The following RALGPS1 variants were observed in gnomAD, a reference collection of about 807,000 sequenced individuals.
The protein encoded by RALGPS1 is Ral GEF with PH domain and SH3 binding motif 1.
A neutral mutation model predicts 78.8 loss-of-function variants in RALGPS1; 19 were observed. The observed-to-expected ratio is 0.24, with a 90% confidence interval of 0.17 to 0.35. RALGPS1 has a LOEUF of 0.35. Ranked by LOEUF, RALGPS1 falls within the 10% of genes least tolerant of loss-of-function variation. RALGPS1 has a pLI of 1.00. For missense variants in RALGPS1, 454 were observed against 688.3 expected (o/e 0.66, Z 3.81); for synonymous variants, 228 against 256.3 (o/e 0.89, Z 1.06).
At chr9:127,098,707 A>G (rs1311329062) in intron 8 of RALGPS1, among the ~76,000 whole-genome samples, 1 of 152,148 alleles carries the variant, frequency 6.6e-6, no homozygotes, top group South Asian at 2.1e-4. Flanking sequence ...TTAGGCACAC[A>G]AGGACCATGG....
intron 8 of RALGPS1, among the ~76,000 whole-genome samples, chr9:127,123,600 T>C (rs942813858): frequency 1.3e-5 from 2 of 152,180 alleles, no homozygotes; most frequent in African/African-American, 4.8e-5. Context: ...TGACCTCCTA[T>C]TGGGCTCTTC....
intron 8 of RALGPS1, among the ~76,000 whole-genome samples, chr9:127,121,193 C>T (rs879779308): frequency 1.3e-5 from 2 of 152,166 alleles, no homozygotes; most frequent in Admixed American, 1.3e-4. Context: ...AGAGTAAGTG[C>T]AATATAAGTG....
intron 8 of RALGPS1, among the ~76,000 whole-genome samples, chr9:127,150,798 C>T (rs2058373114): frequency 6.6e-6 from 1 of 152,140 alleles, no homozygotes; most frequent in African/African-American, 2.4e-5. Context: ...TGCTTTCTGC[C>T]CCAGGGGTTT....
chr9:127,093,286 C>T (rs2052698975), intron 8 of RALGPS1, among the ~76,000 whole-genome samples: 1 of 152,194 alleles, frequency 6.6e-6, no homozygotes, highest in African/African-American at 2.4e-5. Context: ...AGCATTGCCA[C>T]AACTCCCTAC....
intron 14 of RALGPS1, among the ~76,000 whole-genome samples, chr9:127,203,283 G>T (rs910982946): frequency 6.6e-6 from 1 of 152,200 alleles, no homozygotes; most frequent in Non-Finnish European, 1.5e-5. Context: ...TTTCCACAGT[G>T]TGTAAATGTT....
chr9:126,926,612 G>T (rs2035304443), intron 1 of RALGPS1, among the ~76,000 whole-genome samples: 1 of 152,178 alleles, frequency 6.6e-6, no homozygotes. Flanking sequence ...GTGCCTAGGA[G>T]TGTAGGTGTT....
chr9:126,985,824 C>G (rs1013291109), intron 4 of RALGPS1, among the ~76,000 whole-genome samples: 1 of 152,192 alleles, frequency 6.6e-6, no homozygotes, highest in Non-Finnish European at 1.5e-5. Flanking sequence ...CTGAGATACC[C>G]TGTTGTAATC....
chr9:127,050,181 A>G (rs748280165), intron 6 of RALGPS1, 49 bp downstream of exon 6: 2 of 1,388,320 alleles, frequency 1.4e-6, no homozygotes, highest in East Asian at 4.6e-5. Flanking sequence ...TCTCTCCCAC[A>G]CCTCCTCCCC....
chr9:127,159,728 C>T (rs1797658017), intron 8 of RALGPS1, among the ~76,000 whole-genome samples: 2 of 152,172 alleles, frequency 1.3e-5, no homozygotes, highest in African/African-American at 4.8e-5. Context: ...TTTGTGCTCT[C>T]TTAAAGAGAG....
chr9:127,160,478 C>A (rs777326844), intron 8 of RALGPS1, among the ~76,000 whole-genome samples: 5 of 152,214 alleles, frequency 3.3e-5, no homozygotes, highest in Non-Finnish European at 7.4e-5. Flanking sequence ...CATGTGGCAG[C>A]TACAGCAGTG....
chr9:127,182,590 C>T (rs914750878), intron 11 of RALGPS1, among the ~76,000 whole-genome samples: 7 of 151,972 alleles, frequency 4.6e-5, no homozygotes, highest in African/African-American at 1.5e-4. Context: ...CCACCATGCC[C>T]AGCAAATTTT....
At chr9:127,074,556 C>T (rs1004663578) in intron 8 of RALGPS1, among the ~76,000 whole-genome samples, 5 of 152,234 alleles carry the variant, frequency 3.3e-5, no homozygotes, top group African/African-American at 9.6e-5. Context: ...GTGCAGCCCA[C>T]GGGTTCCACT....
intron 11 of RALGPS1, among the ~76,000 whole-genome samples, chr9:127,184,517 C>G (rs986237039): frequency 6.6e-6 from 1 of 152,180 alleles, no homozygotes; most frequent in African/African-American, 2.4e-5. Context: ...CAGAGGGGCC[C>G]CAGTGTCCTG....
intron 7 of RALGPS1, among the ~76,000 whole-genome samples, chr9:127,064,163 GT>G (rs1247000384): frequency 1.3e-5 from 2 of 152,190 alleles, no homozygotes; most frequent in African/African-American, 4.8e-5. Flanking sequence ...TTAGTGAAAT[GT>G]TCTTTAACCT....
chr9:127,054,980 A>C (rs1183853753), intron 7 of RALGPS1, among the ~76,000 whole-genome samples: 1 of 146,230 alleles, frequency 6.8e-6, no homozygotes, highest in Non-Finnish European at 1.5e-5. Context: ...TCTCTGAAAA[A>C]GAGAGAGAGA....
At chr9:127,040,413 A>G (rs1162032812) in intron 5 of RALGPS1, among the ~76,000 whole-genome samples, 1 of 152,202 alleles carries the variant, frequency 6.6e-6, no homozygotes, top group Non-Finnish European at 1.5e-5. Flanking sequence ...GAAGAAAAGA[A>G]AAGGCTGAAG....
intron 8 of RALGPS1, chr9:127,089,051 TG>T (rs1340125993): frequency 6.2e-7 from 1 of 1,614,092 alleles, no homozygotes; most frequent in Non-Finnish European, 8.5e-7. Flanking sequence ...GCTCCGGTAA[TG>T]GCCCCCGCGG....
chr9:127,161,238 C>T (rs1363168028), intron 8 of RALGPS1, among the ~76,000 whole-genome samples: 1 of 152,240 alleles, frequency 6.6e-6, no homozygotes. Flanking sequence ...TTGTGGCAAA[C>T]CCAGCTGGGC....
At chr9:127,182,604 A>G (rs540638309) in intron 11 of RALGPS1, among the ~76,000 whole-genome samples, 10 of 151,550 alleles carry the variant, frequency 6.6e-5, no homozygotes, top group African/African-American at 2.2e-4. Flanking sequence ...AAATTTTTGT[A>G]TTTTTAGTAG....
Sources: gnomAD v4.1 joint callset for allele counts (sites outside exome capture counted in the v4.1 genomes callset) on GRCh38, gnomAD v4.1.1 for gene constraint, MANE v1.5 for transcripts, NCBI Gene and HGNC (gene_info 2026-07-23, HGNC 2026-07-21) for gene names.